Variants in RAPGEF5 observed in about 807,000 individuals in gnomAD.
The protein encoded by RAPGEF5 is M-Ras-regulated GEF.
Under a neutral mutation model 125.2 loss-of-function variants are expected in RAPGEF5, and 65 were observed. The observed-to-expected ratio is 0.52, with a 90% CI of 0.43 to 0.64. The LOEUF is 0.64. Ranked by LOEUF, RAPGEF5 falls within the 30% of genes least tolerant of loss-of-function variation. The pLI, the probability that RAPGEF5 is intolerant of heterozygous loss-of-function variation, is 0.00. For synonymous variants in RAPGEF5, 391 were observed against 385.9 expected (o/e 1.01, Z -0.16); for missense variants, 958 against 1,048.1 (o/e 0.91, Z 1.19).
chr7:22,246,648 T>C (rs1402699020), intron 7 of RAPGEF5, among the ~76,000 whole-genome samples: 2 of 152,124 alleles, frequency 1.3e-5, no homozygotes, highest in South Asian at 2.1e-4. Context: ...GGAAGCACCA[T>C]TGTGGACATT....
chr7:22,179,832 G>A (rs553813450), intron 11 of RAPGEF5, among the ~76,000 whole-genome samples: 8 of 152,294 alleles, frequency 5.3e-5, no homozygotes, highest in African/African-American at 1.7e-4. Flanking sequence ...CAATCAGGAA[G>A]TTACCACATA....
chr7:22,328,514 T>C lies in RAPGEF5; in HGVS notation c.232-10477A>G, dbSNP rs529739696. Among the ~76,000 whole-genome samples the C allele has an allele frequency of 4.6e-5, 7 of 152,344 alleles. No homozygotes were observed. In the East Asian group the frequency reaches 1.4e-3, roughly 29 times the overall value. ...CCTAAGTACAGTCAATTTTTGTATA[T>C]ACAAACATTTTACCTGGACAGTGAC... is the stretch of plus-strand genomic sequence containing the variant. On this transcript the variant is annotated intron_variant, in intron 1 of 25. Coordinates refer to ENST00000665637, the MANE Select transcript of RAPGEF5 (RefSeq NM_012294.5).
chr7:22,145,020 G>T, intron 20 of RAPGEF5, 24 bp downstream of exon 20: 1 of 1,606,318 alleles, frequency 6.2e-7, no homozygotes, highest in Non-Finnish European at 8.5e-7. Context: ...TAGAGGAATG[G>T]CACTTCTCAC....
intron 3 of RAPGEF5, chr7:22,314,485 C>G (rs534286096): frequency 1.8e-6 from 1 of 567,358 alleles, no homozygotes; most frequent in South Asian, 7.8e-5. Context: ...CTCCAGCAAA[C>G]AGAAAAAACA....
At chr7:22,319,183 T>C (rs1357810157) in intron 1 of RAPGEF5, among the ~76,000 whole-genome samples, 3 of 152,198 alleles carry the variant, frequency 2.0e-5, no homozygotes, top group African/African-American at 4.8e-5. Flanking sequence ...CTAACATTTA[T>C]TGAACTTCCA....
At chr7:22,131,993 C>T (rs980997100) in intron 23 of RAPGEF5, among the ~76,000 whole-genome samples, 2 of 152,228 alleles carry the variant, frequency 1.3e-5, no homozygotes, top group African/African-American at 4.8e-5. Context: ...AATAAATATA[C>T]TATAATTTAA....
intron 7 of RAPGEF5, among the ~76,000 whole-genome samples, chr7:22,260,716 C>A (rs923036676): frequency 2.6e-5 from 4 of 151,852 alleles, no homozygotes; most frequent in Non-Finnish European, 5.9e-5. Flanking sequence ...AAGGTAAATA[C>A]ACATTTAAAA....
chr7:22,356,782 C>T, intron 1 of RAPGEF5, 48 bp downstream of exon 1: 2 of 1,051,342 alleles, frequency 1.9e-6, no homozygotes, highest in South Asian at 4.7e-5. Flanking sequence ...GGCGCGGGCT[C>T]CACGTGCGCG....
At chr7:22,355,806 T>C (rs116990189) in intron 1 of RAPGEF5, among the ~76,000 whole-genome samples, 1 of 152,316 alleles carries the variant, frequency 6.6e-6, no homozygotes, top group East Asian at 1.9e-4. Context: ...CTCTCAAGTT[T>C]ACACAAACCC....
intron 6 of RAPGEF5, among the ~76,000 whole-genome samples, chr7:22,275,419 A>C (rs977925025): frequency 1.3e-5 from 2 of 152,222 alleles, no homozygotes; most frequent in African/African-American, 4.8e-5. Context: ...GAGAAGGTGT[A>C]GGGGGAACAT....
intron 11 of RAPGEF5, chr7:22,192,231 T>C (rs1785018657): frequency 6.6e-6 from 1 of 152,544 alleles, no homozygotes; most frequent in Non-Finnish European, 1.5e-5. Flanking sequence ...CTACTGATTT[T>C]GTCTTCAAAC....
intron 6 of RAPGEF5, among the ~76,000 whole-genome samples, chr7:22,277,351 A>T (rs1782580425): frequency 6.6e-6 from 1 of 152,224 alleles, no homozygotes. Context: ...TCAAATCCAA[A>T]TTCAAATTCT....
chr7:22,294,721 T>C (rs1783019155), intron 5 of RAPGEF5, among the ~76,000 whole-genome samples: 1 of 152,234 alleles, frequency 6.6e-6, no homozygotes, highest in African/African-American at 2.4e-5. Context: ...GACATATCTC[T>C]CACCTGACCA....
chr7:22,277,628 C>T lies in RAPGEF5; in HGVS notation c.748-10616G>A, dbSNP rs189623250. ...GGTCATTGACAGAATCCAGTTCTTACGTCTGTAGGGCTGAGGTACCTGTTT... is the reference window on the plus strand; with the variant it reads ...GGTCATTGACAGAATCCAGTTCTTATGTCTGTAGGGCTGAGGTACCTGTTT... On this transcript the variant is annotated intron_variant, in intron 6 of 25. Coordinates refer to ENST00000665637, the MANE Select transcript of RAPGEF5 (RefSeq NM_012294.5). 1.2e-3 allele frequency among the ~76,000 whole-genome samples: 182 copies of T among 152,246 alleles called. 1 individual carries two copies. Among genetic ancestry groups the T allele is most frequent in the African/African-American group, 4.2e-3 (173 of 41,534 alleles).
chr7:22,326,223 A>C (rs899989861), intron 1 of RAPGEF5, among the ~76,000 whole-genome samples: 2 of 152,196 alleles, frequency 1.3e-5, no homozygotes, highest in Non-Finnish European at 2.9e-5. Flanking sequence ...CAATTACTCA[A>C]CTAGGATATA....
intron 2 of RAPGEF5, among the ~76,000 whole-genome samples, chr7:22,316,384 T>TAGA (rs1783590909): frequency 6.9e-6 from 1 of 144,700 alleles, no homozygotes; most frequent in Non-Finnish European, 1.5e-5. Flanking sequence ...GATAGATAGA[T>TAGA]TAAATGTGTA....
chr7:22,335,921 G>C (rs1165306764), intron 1 of RAPGEF5, among the ~76,000 whole-genome samples: 1 of 152,148 alleles, frequency 6.6e-6, no homozygotes, highest in East Asian at 1.9e-4. Context: ...GTATAGAAAA[G>C]ACAACCTTTG....
chr7:22,313,781 G>GT (rs987732721), intron 3 of RAPGEF5, among the ~76,000 whole-genome samples: 14 of 152,312 alleles, frequency 9.2e-5, no homozygotes, highest in South Asian at 2.1e-4. Flanking sequence ...TATAAATTTA[G>GT]TTTTTTTAAA....
At chr7:22,269,962 G>T (rs969762088) in intron 6 of RAPGEF5, among the ~76,000 whole-genome samples, 2 of 152,172 alleles carry the variant, frequency 1.3e-5, no homozygotes, top group Non-Finnish European at 2.9e-5. Context: ...AGGTCGAAAG[G>T]TTCTGCAGAG....
Sources: allele counts gnomAD v4.1 joint callset (sites outside exome capture counted in the v4.1 genomes callset), GRCh38; gene constraint gnomAD v4.1.1; transcripts MANE v1.5; gene names NCBI Gene and HGNC (gene_info 2026-07-23, HGNC 2026-07-21).